ABCD2: variants seen among roughly 807,000 people sequenced by gnomAD.
The protein encoded by ABCD2 is ATP-binding cassette sub-family D member 2.
Under a neutral mutation model 70.9 loss-of-function variants are expected in ABCD2, and 36 were observed. The observed-to-expected ratio is 0.51, with a 90% confidence interval of 0.39 to 0.67. The LOEUF is 0.67. Among genes scored for constraint, ABCD2 ranks in the 30% least tolerant of loss-of-function variants. The probability of loss-of-function intolerance (pLI) is 0.00; values close to 1 mark genes in which losing one functional copy is unlikely to be tolerated. For missense variants in ABCD2, 729 were observed against 890.2 expected, an observed-to-expected ratio of 0.82 and a Z score of 2.30; for synonymous variants, 304 against 306.9, an observed-to-expected ratio of 0.99 and a Z score of 0.10.
At chr12:39,583,900 C>T (rs1324513067) in intron 7 of ABCD2, among the ~76,000 whole-genome samples, 1 of 152,174 alleles carries the variant, frequency 6.6e-6, no homozygotes, top group East Asian at 1.9e-4. Flanking sequence ...TGGACCTCTA[C>T]CACACTTTCT....
At chr12:39,595,340 T>G (rs904904935) in intron 6 of ABCD2, among the ~76,000 whole-genome samples, 1 of 152,196 alleles carries the variant, frequency 6.6e-6, no homozygotes, top group Non-Finnish European at 1.5e-5. Flanking sequence ...TAACTCTGGC[T>G]TTGAAATTCC....
intron 9 of ABCD2, among the ~76,000 whole-genome samples, chr12:39,565,269 T>G (rs1236647276): frequency 5.9e-5 from 9 of 152,186 alleles, no homozygotes; most frequent in Non-Finnish European, 1.5e-5. Flanking sequence ...GAGCATGGAA[T>G]GTTCTTCCAT....
At chr12:39,581,236 G>T (rs1290244963) in intron 7 of ABCD2, among the ~76,000 whole-genome samples, 3 of 152,096 alleles carry the variant, frequency 2.0e-5, no homozygotes, top group Non-Finnish European at 4.4e-5. Context: ...TTTCATTTAT[G>T]AATTATGTGA....
chr12:39,567,113 T>G (rs1941362668), intron 9 of ABCD2, among the ~76,000 whole-genome samples: 1 of 152,154 alleles, frequency 6.6e-6, no homozygotes, highest in African/African-American at 2.4e-5. Context: ...TTGTGTTGAT[T>G]TGGTGTGGAG....
chr12:39,607,056 G>A (rs1472161444), intron 3 of ABCD2, among the ~76,000 whole-genome samples: 4 of 152,022 alleles, frequency 2.6e-5, no homozygotes, highest in Non-Finnish European at 4.4e-5. Flanking sequence ...GGAAGAATGC[G>A]GAATGGTAAG....
At chr12:39,554,161 A>C in intron 9 of ABCD2, 30 bp from the exon 10 acceptor site, 1 of 1,572,050 alleles carries the variant, frequency 6.4e-7, no homozygotes, top group South Asian at 1.2e-5. Context: ...TAATATTATT[A>C]GCCATAATGT....
chr12:39,573,589 T>G, intron 9 of ABCD2, 127 bp downstream of exon 9: 1 of 1,021,902 alleles, frequency 9.8e-7, no homozygotes. Flanking sequence ...AATGTGCAAC[T>G]TAAGAGAAAT....
intron 6 of ABCD2, 118 bp downstream of exon 6, chr12:39,600,453 T>C: frequency 9.7e-7 from 1 of 1,032,994 alleles, no homozygotes; most frequent in Non-Finnish European, 1.4e-6. Context: ...TTTATTTCCT[T>C]AATAGTTTCT....
intron 6 of ABCD2, 141 bp downstream of exon 6, chr12:39,600,430 G>T: frequency 1.3e-6 from 1 of 794,310 alleles, no homozygotes; most frequent in Non-Finnish European, 1.9e-6. Context: ...AAATATTTTG[G>T]GCTAAGTGAA....
At position 39,594,020 on chromosome 12, in the gene ABCD2, GTTAAAA is replaced by G. The variant is rs541143127; in HGVS notation, c.1646+6545_1646+6550del. On this transcript the variant is annotated intron_variant, in intron 6 of 9. Coordinates refer to ENST00000308666, the MANE Select transcript of ABCD2 (RefSeq NM_005164.4). ...GCCAAGTACCTATGCTAAAATGTAT[GTTAAAA>G]TTGACTTAATTGCCATGTACATCGA... 1.9e-4 allele frequency among the ~76,000 whole-genome samples: 29 copies of G among 152,246 alleles called. 1 individual carries two copies. In the South Asian group the frequency reaches 6.0e-3, roughly 32 times the overall value.
rs1246203289 is a variant in ABCD2, at chr12:39,586,356, T to C, written c.1647-59A>G. 23 of 1,546,178 alleles carry C rather than the reference T, an allele frequency of 1.5e-5. No homozygotes were observed. The Admixed American group carries it at 4.2e-4, about 28-fold the overall frequency. ...GAAAGTCATGATAACTTACTCAGTG[T>C]GACAACTTGGTAGTCTGAAAACATC... is the stretch of plus-strand genomic sequence containing the variant. On this transcript the variant is annotated intron_variant, in intron 6 of 9. Coordinates refer to ENST00000308666, the MANE Select transcript of ABCD2 (RefSeq NM_005164.4).
chr12:39,531,653 C>G, the ABCD2 span, among the ~76,000 whole-genome samples: 1 of 152,234 alleles, frequency 6.6e-6, no homozygotes, highest in African/African-American at 2.4e-5. Flanking sequence ...CTTCATTCCT[C>G]TCTTTGATCA....
chr12:39,579,876 CTG>C (rs1000549188), intron 7 of ABCD2, among the ~76,000 whole-genome samples: 3 of 152,008 alleles, frequency 2.0e-5, no homozygotes, highest in African/African-American at 7.3e-5. Context: ...ACTTTAAAAA[CTG>C]TGTTTGTTTC....
intron 9 of ABCD2, among the ~76,000 whole-genome samples, chr12:39,564,006 T>A (rs562493321): frequency 2.6e-5 from 4 of 152,346 alleles, no homozygotes; most frequent in African/African-American, 9.6e-5. Flanking sequence ...ATGTGCCACA[T>A]TTTCTTAATT....
At chr12:39,566,552 C>T (rs1260507188) in intron 9 of ABCD2, among the ~76,000 whole-genome samples, 4 of 152,040 alleles carry the variant, frequency 2.6e-5, no homozygotes, top group Non-Finnish European at 5.9e-5. Flanking sequence ...AGCGGTCTAT[C>T]GATTTTGTTG....
At chr12:39,580,432 T>A (rs1165673341) in intron 7 of ABCD2, among the ~76,000 whole-genome samples, 1 of 152,218 alleles carries the variant, frequency 6.6e-6, no homozygotes, top group Non-Finnish European at 1.5e-5. Flanking sequence ...TATATTAATA[T>A]GAAAATGTGC....
rs62012535 is a variant in ABCD2 at position 39,566,634 on chromosome 12, G to A, written c.2003+7082C>T. ...GTTTTTTGTGTCTCTATTTCCTTCA[G>A]TTCTGCTCTGATCTTAGTTATTTCT... On this transcript the variant is annotated intron_variant, in intron 9 of 9. Transcript: ENST00000308666. Among the ~76,000 whole-genome samples, 311 of 152,144 alleles carry A rather than the reference G, an allele frequency of 2.0e-3. 3 individuals are homozygous for A. Among genetic ancestry groups the A allele is most frequent in the African/African-American group, 6.7e-3 (280 of 41,500 alleles).
At chr12:39,578,276 C>T (rs1941547299) in intron 8 of ABCD2, among the ~76,000 whole-genome samples, 3 of 152,016 alleles carry the variant, frequency 2.0e-5, no homozygotes, top group Admixed American at 6.6e-5. Context: ...AGATCGAGAC[C>T]ATCCTGGCTA....
intron 9 of ABCD2, among the ~76,000 whole-genome samples, chr12:39,567,953 C>T (rs1941382398): frequency 6.6e-6 from 1 of 151,810 alleles, no homozygotes; most frequent in African/African-American, 2.4e-5. Flanking sequence ...GAATATTGGC[C>T]CCCACTCTCT....
Sources: allele counts gnomAD v4.1 joint callset (sites outside exome capture counted in the v4.1 genomes callset), GRCh38; gene constraint gnomAD v4.1.1; transcripts MANE v1.5; gene names NCBI Gene and HGNC (gene_info 2026-07-23, HGNC 2026-07-21).